The following ANO4 variants were observed in gnomAD, a reference collection of about 807,000 sequenced individuals.
ANO4 encodes the protein anoctamin 4.
Under a neutral mutation model 141.9 loss-of-function variants are expected in ANO4, and 69 were observed. The ratio of observed to expected loss-of-function variants is 0.49; its 90% CI spans 0.40 to 0.59. The LOEUF (loss-of-function observed/expected upper bound fraction) is 0.59, where lower values mean the gene tolerates loss of function less well. Among genes scored for constraint, ANO4 ranks in the 20% least tolerant of loss-of-function variants. The pLI is 0.00. For synonymous variants in ANO4, 350 were observed against 394.3 expected, an observed-to-expected ratio of 0.89 and a Z score of 1.33; for missense variants, 894 against 1,162.2, an observed-to-expected ratio of 0.77 and a Z score of 3.36.
intron 2 of ANO4, among the ~76,000 whole-genome samples, chr12:100,919,734 A>ATCTATCTATCTATCTATCTATC (rs1294033859): frequency 3.0e-5 from 4 of 133,542 alleles, no homozygotes; most frequent in Admixed American, 1.5e-4. Flanking sequence ...GTGTGTATGT[A>ATCTATCTATCTATCTATCTATC]TGTATCTATC....
At chr12:100,824,000 G>T (rs1450292970) in intron 1 of ANO4, among the ~76,000 whole-genome samples, 2 of 151,722 alleles carry the variant, frequency 1.3e-5, no homozygotes, top group Non-Finnish European at 2.9e-5. Context: ...TATAAAAAGT[G>T]CCATTAAAAG....
In ANO4 at chr12:100,919,320, T is replaced by G. The variant is rs1047001692; in HGVS notation, c.56-2906T>G. On this transcript the variant is annotated intron_variant, in intron 2 of 27. Coordinates refer to ENST00000392977, the MANE Select transcript of ANO4 (RefSeq NM_001286615.2). The stretch of plus-strand genomic sequence containing the variant: ...TCACATTCACTCACCACTCAATGAC[T>G]CATTCAGAGCAACTTTCATTCCTGC... Among the ~76,000 whole-genome samples the G allele has an allele frequency of 2.6e-5, 4 of 152,142 alleles. No homozygotes were observed. The South Asian group carries it at 8.3e-4, about 31-fold the overall frequency.
chr12:100,729,173 T>C (rs952562337), intron 1 of ANO4, among the ~76,000 whole-genome samples: 2 of 152,044 alleles, frequency 1.3e-5, no homozygotes, highest in Non-Finnish European at 2.9e-5. Flanking sequence ...CATATTTTGC[T>C]TGTGAGACTC....
chr12:100,892,879 C>T (rs967740660), intron 1 of ANO4, among the ~76,000 whole-genome samples: 4 of 151,936 alleles, frequency 2.6e-5, no homozygotes, highest in Non-Finnish European at 5.9e-5. Flanking sequence ...TGTTTGATAC[C>T]TGTCCTGCCG....
chr12:101,080,438 C>T (rs1242328482), intron 15 of ANO4, among the ~76,000 whole-genome samples: 1 of 152,082 alleles, frequency 6.6e-6, no homozygotes. Flanking sequence ...TTCAGCAATC[C>T]TTGTTCTCCT....
intron 3 of ANO4, among the ~76,000 whole-genome samples, chr12:100,742,348 TTTTA>T (rs537917126): frequency 5.3e-4 from 81 of 152,248 alleles, no homozygotes; most frequent in Non-Finnish European, 1.0e-3. Context: ...TTTCCTTTCT[TTTTA>T]TTTGTGTTTT....
At chr12:100,850,366 A>G (rs533224869) in intron 1 of ANO4, among the ~76,000 whole-genome samples, 4 of 152,332 alleles carry the variant, frequency 2.6e-5, no homozygotes, top group Non-Finnish European at 4.4e-5. Flanking sequence ...CATTCCTCCT[A>G]TGCTTTCCAT....
In ANO4 at chr12:100,861,520, A is replaced by G. The variant is rs370762802; in HGVS notation, c.-140-40126A>G. Reference sequence around the variant, plus strand: ...GGTACACTTGTATAGGACATTTACCATGAATGAAGCCTGCGGAACTGGAAA... The same window carrying G: ...GGTACACTTGTATAGGACATTTACCGTGAATGAAGCCTGCGGAACTGGAAA... On this transcript the variant is annotated intron_variant, in intron 1 of 27. Transcript: ENST00000392977. 3.1e-3 allele frequency among the ~76,000 whole-genome samples: 479 copies of G among 152,336 alleles called. 5 individuals are homozygous for G. Among genetic ancestry groups the G allele is most frequent in the African/African-American group, 0.01 (426 of 41,590 alleles).
chr12:101,080,986 A>G (rs921307822), intron 15 of ANO4, among the ~76,000 whole-genome samples: 3 of 141,060 alleles, frequency 2.1e-5, no homozygotes, highest in Admixed American at 7.5e-5. Context: ...TATATCTAGA[A>G]CCTAGAAAAA....
chr12:100,882,688 G>GT (rs1438224243), intron 1 of ANO4, among the ~76,000 whole-genome samples: 2 of 151,524 alleles, frequency 1.3e-5, no homozygotes, highest in African/African-American at 2.4e-5. Flanking sequence ...TTTTTTGTTT[G>GT]TTTTTTGTTT....
chr12:101,088,622 A>T (rs1438596179), intron 17 of ANO4, among the ~76,000 whole-genome samples: 2 of 151,932 alleles, frequency 1.3e-5, no homozygotes, highest in African/African-American at 2.4e-5. Flanking sequence ...TTTTTTGTAG[A>T]ACAAAAGTAG....
chr12:101,088,947 T>A (rs1593239654), intron 17 of ANO4, among the ~76,000 whole-genome samples: 1 of 152,132 alleles, frequency 6.6e-6, no homozygotes, highest in African/African-American at 2.4e-5. Context: ...AGTAAAACAA[T>A]GTACATAGAG....
Position 100,901,741 on chromosome 12 carries a change from G to A in ANO4, c.-45G>A. On this transcript the variant is annotated 5_prime_UTR_variant, in exon 2 of 28. The change creates a new upstream start codon in the 5' untranslated region. Coordinates refer to ENST00000392977, the MANE Select transcript of ANO4 (RefSeq NM_001286615.2). ...CCCAGCGTCACGTCGTCGCCTGCCT[G>A]TGGTCAGGCATTCCTCACTCCCACC... 1 of 1,581,892 alleles carries A rather than the reference G, an allele frequency of 6.3e-7. No homozygotes were observed. The highest frequency in any genetic ancestry group is 8.7e-7 in the Non-Finnish European group (1 of 1,150,810).
In ANO4 at chr12:100,762,455, C is replaced by T. The variant is rs529262547; in HGVS notation, c.358+22350C>T. ...AGAAAGGAGACCAGAATCTCTAGTG[C>T]TTTTGACTTTTGACTAGACTACCTT... On this transcript the variant is annotated intron_variant, in intron 3 of 29. Transcript: ENST00000644049. 1.7e-3 allele frequency among the ~76,000 whole-genome samples: 257 copies of T among 152,260 alleles called. 1 individual carries two copies. The South Asian group carries it at 0.02, about 12-fold the overall frequency.
intron 3 of ANO4, among the ~76,000 whole-genome samples, chr12:100,779,364 C>T (rs988125659): frequency 3.3e-5 from 5 of 152,164 alleles, no homozygotes; most frequent in African/African-American, 7.2e-5. Context: ...GGCATTCAGC[C>T]GAATGCTGCT....
chr12:101,127,309 T>TATCA (rs1350361868), intron 27 of ANO4, among the ~76,000 whole-genome samples: 3 of 152,236 alleles, frequency 2.0e-5, no homozygotes, highest in Non-Finnish European at 2.9e-5. Context: ...GACTCTGGCC[T>TATCA]ATCAGTCAAG....
At chr12:100,936,395 A>G (rs1354850657) in intron 3 of ANO4, among the ~76,000 whole-genome samples, 1 of 152,116 alleles carries the variant, frequency 6.6e-6, no homozygotes, top group Non-Finnish European at 1.5e-5. Flanking sequence ...CTCCCCAGTA[A>G]TGACAATAAA....
chr12:101,111,769 G>T (rs974588722), intron 24 of ANO4, 59 bp downstream of exon 24: 4 of 1,478,340 alleles, frequency 2.7e-6, no homozygotes, highest in Non-Finnish European at 3.6e-6. Flanking sequence ...TTTGAGGTTG[G>T]ACACTCAGAC....
At chr12:100,760,457 G>A (rs148375696) in intron 3 of ANO4, among the ~76,000 whole-genome samples, 112 of 152,296 alleles carry the variant, frequency 7.4e-4, no homozygotes, top group Middle Eastern at 6.8e-3. Flanking sequence ...GGTGAAGAGG[G>A]CGCTGGTCAG....
Sources: allele counts gnomAD v4.1 joint callset (sites outside exome capture counted in the v4.1 genomes callset), GRCh38; gene constraint gnomAD v4.1.1; transcripts MANE v1.5; gene names NCBI Gene and HGNC (gene_info 2026-07-23, HGNC 2026-07-21).